The following CTNND2 variants were observed in gnomAD, a reference collection of about 807,000 sequenced individuals.
The protein encoded by CTNND2 is catenin delta-2.
In CTNND2, 22 loss-of-function variants were observed where a neutral mutation model predicts 144.4. That is an observed-to-expected ratio of 0.15 (90% CI 0.11 to 0.22). The LOEUF (loss-of-function observed/expected upper bound fraction) is 0.22. Among genes scored for constraint, CTNND2 ranks in the 10% least tolerant of loss-of-function variants. The probability of loss-of-function intolerance (pLI) is 1.00; values close to 1 mark genes in which losing one functional copy is unlikely to be tolerated. For synonymous variants in CTNND2, 751 were observed against 695.6 expected (o/e 1.08, Z -1.25); for missense variants, 1,353 against 1,618.8 (o/e 0.84, Z 2.82).
intron 11 of CTNND2, among the ~76,000 whole-genome samples, chr5:11,170,629 G>A (rs1234889924): frequency 6.6e-6 from 1 of 151,900 alleles, no homozygotes; most frequent in Non-Finnish European, 1.5e-5. Flanking sequence ...TGGGAAGCAT[G>A]GAAGAAACAT....
At chr5:11,548,996 C>T (rs1351923807) in intron 3 of CTNND2, among the ~76,000 whole-genome samples, 2 of 152,142 alleles carry the variant, frequency 1.3e-5, no homozygotes, top group Non-Finnish European at 2.9e-5. Context: ...CATCCCTACC[C>T]CAAAAGGTAG....
chr5:11,170,411 A>C (rs1188765869), intron 11 of CTNND2, among the ~76,000 whole-genome samples: 2 of 152,240 alleles, frequency 1.3e-5, no homozygotes, highest in Non-Finnish European at 2.9e-5. Context: ...ATACAATTGT[A>C]TGTATGTATC....
chr5:11,198,193 A>T (rs146326926), intron 11 of CTNND2, among the ~76,000 whole-genome samples: 1 of 152,350 alleles, frequency 6.6e-6, no homozygotes, highest in East Asian at 1.9e-4. Context: ...TACTGTGTAG[A>T]TAAAAGTACT....
chr5:11,732,926 G>C (rs1221249500), intron 1 of CTNND2, among the ~76,000 whole-genome samples: 1 of 151,984 alleles, frequency 6.6e-6, no homozygotes, highest in Non-Finnish European at 1.5e-5. Context: ...AAAAAATGCT[G>C]ATGTCAAGAA....
At chr5:11,542,390 G>A (rs1191574520) in intron 3 of CTNND2, among the ~76,000 whole-genome samples, 3 of 152,090 alleles carry the variant, frequency 2.0e-5, no homozygotes, top group African/African-American at 7.2e-5. Flanking sequence ...AGAATTCTGA[G>A]TATTAATTTT....
intron 9 of CTNND2, among the ~76,000 whole-genome samples, chr5:11,248,803 C>T (rs1364867412): frequency 6.6e-6 from 1 of 152,210 alleles, no homozygotes; most frequent in African/African-American, 2.4e-5. Context: ...CAATGTGAAC[C>T]ATGAACACAT....
At chr5:11,487,828 G>A (rs1768971816) in intron 3 of CTNND2, among the ~76,000 whole-genome samples, 5 of 152,142 alleles carry the variant, frequency 3.3e-5, no homozygotes, top group African/African-American at 1.2e-4. Flanking sequence ...ATTGACCACG[G>A]TGGGAGTATT....
chr5:11,809,539 T>C lies in CTNND2; in HGVS notation c.38-77267A>G, dbSNP rs61761648. Among the ~76,000 whole-genome samples, 6 of 152,292 alleles carry C rather than the reference T, an allele frequency of 3.9e-5. No individual in the cohort carries two copies. In the East Asian group the frequency reaches 1.2e-3, roughly 29 times the overall value. ...ATGATCAACAAAGAGTAAGTCATGG[T>C]GGAAATTCATATGTCATTGTCAGGG... On this transcript the variant is annotated intron_variant, in intron 1 of 21. Transcript: ENST00000304623.
chr5:11,180,215 C>T (rs183785198), intron 11 of CTNND2, among the ~76,000 whole-genome samples: 153 of 152,204 alleles, frequency 1.0e-3, no homozygotes, highest in African/African-American at 3.3e-3. Flanking sequence ...TGGGGCACTT[C>T]CCCCGCATCG....
intron 1 of CTNND2, among the ~76,000 whole-genome samples, chr5:11,767,326 A>G (rs1246126683): frequency 6.6e-6 from 1 of 152,166 alleles, no homozygotes; most frequent in African/African-American, 2.4e-5. Context: ...AATTACTAGT[A>G]GGCCATGTGG....
In CTNND2 at chr5:11,808,556, G is replaced by C. The variant is rs867991856; in HGVS notation, c.38-76284C>G. ...TCTGAAGTGCTTTTCATAGCTGCCA[G>C]AAGTTGATTTCTGTTACAACTACAT... On this transcript the variant is annotated intron_variant, in intron 1 of 21. Transcript: ENST00000304623. Among the ~76,000 whole-genome samples, 5 of 152,194 alleles carry C rather than the reference G, an allele frequency of 3.3e-5. No homozygotes were observed. The South Asian group carries it at 8.3e-4, about 25-fold the overall frequency.
At chr5:11,641,834 A>G (rs968641710) in intron 2 of CTNND2, among the ~76,000 whole-genome samples, 8 of 150,658 alleles carry the variant, frequency 5.3e-5, no homozygotes, top group South Asian at 2.1e-4. Flanking sequence ...GTATATGTGT[A>G]TGTATGTATG....
chr5:11,578,639 C>T (rs1042848199), intron 2 of CTNND2, among the ~76,000 whole-genome samples: 7 of 150,236 alleles, frequency 4.7e-5, no homozygotes, highest in African/African-American at 4.9e-5. Flanking sequence ...CCAGCCTGGG[C>T]GACAGAGCGA....
chr5:11,773,069 C>T (rs1287639480), intron 1 of CTNND2, among the ~76,000 whole-genome samples: 2 of 152,200 alleles, frequency 1.3e-5, no homozygotes, highest in Non-Finnish European at 2.9e-5. Context: ...TTGTGCTGAA[C>T]AGTTACTGTC....
intron 1 of CTNND2, among the ~76,000 whole-genome samples, chr5:11,872,021 T>C (rs897120391): frequency 1.3e-5 from 2 of 152,144 alleles, no homozygotes; most frequent in Non-Finnish European, 2.9e-5. Context: ...CTCCTAATGC[T>C]ATCCCTCCCC....
intron 9 of CTNND2, among the ~76,000 whole-genome samples, chr5:11,335,005 A>AATTTCCC (rs1220032009): frequency 6.6e-6 from 1 of 152,202 alleles, no homozygotes; most frequent in Non-Finnish European, 1.5e-5. Flanking sequence ...TAGCCTGCTG[A>AATTTCCC]ATTTCCCACT....
At chr5:11,049,655 T>C (rs140038153) in intron 16 of CTNND2, among the ~76,000 whole-genome samples, 20 of 152,314 alleles carry the variant, frequency 1.3e-4, no homozygotes, top group Non-Finnish European at 2.8e-4. Flanking sequence ...TTCTTGAAAT[T>C]CCTTCTGAAC....
chr5:11,571,164 T>C (rs1310084915), intron 2 of CTNND2, among the ~76,000 whole-genome samples: 5 of 152,200 alleles, frequency 3.3e-5, no homozygotes. Context: ...TTTTCTTCTC[T>C]CTGCATAGTT....
intron 3 of CTNND2, among the ~76,000 whole-genome samples, chr5:11,485,793 T>C (rs1343958424): frequency 1.3e-5 from 2 of 152,176 alleles, no homozygotes; most frequent in Non-Finnish European, 2.9e-5. Context: ...TGAATAGCTA[T>C]GAAAATAGGC....
Sources: allele counts gnomAD v4.1 joint callset (sites outside exome capture counted in the v4.1 genomes callset), GRCh38; gene constraint gnomAD v4.1.1; transcripts MANE v1.5; gene names NCBI Gene and HGNC (gene_info 2026-07-23, HGNC 2026-07-21).